The following ABCC2 variants were observed in gnomAD, a reference collection of about 807,000 sequenced individuals.
ABCC2 encodes ATP-binding cassette sub-family C member 2.
A neutral mutation model predicts 173.4 loss-of-function variants in ABCC2; 157 were observed. The observed-to-expected ratio is 0.91, with a 90% CI of 0.80 to 1.03. ABCC2 has a LOEUF of 1.03. Among genes scored for constraint, ABCC2 ranks in the 50% least tolerant of loss-of-function variants. ABCC2 has a pLI of 0.00. For missense variants in ABCC2, 1,822 were observed against 1,852.3 expected, an observed-to-expected ratio of 0.98 and a Z score of 0.30; for synonymous variants, 657 against 693.5, an observed-to-expected ratio of 0.95 and a Z score of 0.83.
Position 99,836,213 on chromosome 10 carries a change from G to A in ABCC2, c.3537G>A (p.Gln1179=). ...CAGTTATCCGTGCCTTTGAGCACCAGCAGCGATTTCTGAAACACAATGAGG... is the reference window on the plus strand; with the variant it reads ...CAGTTATCCGTGCCTTTGAGCACCAACAGCGATTTCTGAAACACAATGAGG... ...GLPVIRAFEH[Q]QRFLKHNEVR... is the part of the protein sequence containing the mutation. The change falls in exon 25 of 32, where the codon CAG becomes CAA. Residue 1179 remains glutamine (Q), a synonymous_variant. Transcript: ENST00000647814. 6.2e-7 allele frequency: 1 copy of A among 1,614,226 alleles called. No homozygotes were observed. The highest frequency in any genetic ancestry group is 2.2e-5 in the East Asian group (1 of 44,886).
Position 99,800,408 on chromosome 10 carries a change from G to T in ABCC2, c.1054G>T (p.Asp352Tyr). ...CAGATTGCTGATCTCCTTTGCAAGT[G>T]ACCGTGACACATATTTGTGGATTGG... ...LLKLLISFASDRDTYLWIGYL... is the reference protein window; with the variant it reads ...LLKLLISFASYRDTYLWIGYL... Residue 352 changes from aspartate to tyrosine, a missense_variant, in exon 9 of 32, where the codon GAC (aspartate) becomes TAC (tyrosine). Transcript: ENST00000647814. 6.2e-7 allele frequency: 1 copy of T among 1,614,164 alleles called. No homozygotes were observed. Among genetic ancestry groups the T allele is most frequent in the South Asian group, 1.1e-5 (1 of 91,070 alleles).
intron 11 of ABCC2, among the ~76,000 whole-genome samples, chr10:99,806,652 A>C (rs570418759): frequency 6.6e-6 from 1 of 152,238 alleles, no homozygotes; most frequent in African/African-American, 2.4e-5. Context: ...AAGAAGAATT[A>C]TCTTTCATCA....
rs1423174402 is a variant in ABCC2, at chr10:99,797,313, C to T, written c.849C>T (p.Ser283=). The T allele has an allele frequency of 2.5e-6, 4 of 1,612,936 alleles. No homozygotes were observed. The highest frequency in any genetic ancestry group is 2.5e-6 in the Non-Finnish European group (3 of 1,179,564). The change falls in exon 7 of 32, where the codon AGC becomes AGT. Residue 283 remains serine, a synonymous_variant. Coordinates refer to ENST00000647814, the MANE Select transcript of ABCC2 (RefSeq NM_000392.5). ...GCTTGAACAAGAATCAGAGTCAAAG[C>T]CAAGATGCCCTTGTCCTGGTAACTT... ...LPGLNKNQSQ[S]QDALVLEDVE...
chr10:99,838,359 G>A (rs1184647961), intron 25 of ABCC2, among the ~76,000 whole-genome samples: 52 of 122,128 alleles, frequency 4.3e-4, no homozygotes, highest in African/African-American at 1.6e-3. Flanking sequence ...TCCCGGACGG[G>A]GCGGCTGGCC....
intron 9 of ABCC2, among the ~76,000 whole-genome samples, chr10:99,803,426 C>G (rs2038044775): frequency 6.6e-6 from 1 of 152,306 alleles, no homozygotes; most frequent in Admixed American, 6.5e-5. Flanking sequence ...TCAATACATG[C>G]TGGTTCCCTC....
At chr10:99,785,675 T>C (rs1418283082) in intron 2 of ABCC2, among the ~76,000 whole-genome samples, 3 of 152,008 alleles carry the variant, frequency 2.0e-5, no homozygotes, top group Admixed American at 1.3e-4. Context: ...CACGCCACCA[T>C]GTCCAGCTAA....
At chr10:99,799,496 C>A in intron 8 of ABCC2, 126 bp downstream of exon 8, 1 of 1,148,310 alleles carries the variant, frequency 8.7e-7, no homozygotes, top group Non-Finnish European at 1.3e-6. Context: ...AATTTTCTTC[C>A]ACCTTAACCT....
intron 11 of ABCC2, among the ~76,000 whole-genome samples, chr10:99,806,077 C>CTCTGTGTGTCTG (rs10644836): frequency 6.8e-6 from 1 of 148,044 alleles, no homozygotes; most frequent in African/African-American, 2.5e-5. Flanking sequence ...CTCTCTCTGT[C>CTCTGTGTGTCTG]TGTGTGTGTG....
At chr10:99,814,405 A>G (rs1232240704) in intron 16 of ABCC2, among the ~76,000 whole-genome samples, 1 of 144,762 alleles carries the variant, frequency 6.9e-6, no homozygotes, top group Non-Finnish European at 1.5e-5. Context: ...GTATATATAC[A>G]CACGTGTATA....
chr10:99,797,643 T>A, intron 7 of ABCC2: 1 of 360,690 alleles, frequency 2.8e-6, no homozygotes, highest in South Asian at 2.6e-5. Context: ...ATTTGTTGAT[T>A]CATTCACTTG....
At chr10:99,817,652 A>G (rs891162841) in intron 17 of ABCC2, among the ~76,000 whole-genome samples, 168 bp downstream of exon 17, 1 of 152,240 alleles carries the variant, frequency 6.6e-6, no homozygotes. Flanking sequence ...ACAATATTCC[A>G]TGTAAATAAC....
chr10:99,815,631 G>A (rs757958900), intron 16 of ABCC2, among the ~76,000 whole-genome samples: 4 of 152,060 alleles, frequency 2.6e-5, no homozygotes, highest in Non-Finnish European at 5.9e-5. Flanking sequence ...ACCAAACAGA[G>A]GAGTATCTAT....
chr10:99,806,509 C>A (rs1185583082), intron 11 of ABCC2, among the ~76,000 whole-genome samples: 1 of 152,100 alleles, frequency 6.6e-6, no homozygotes, highest in Non-Finnish European at 1.5e-5. Context: ...TTCTAATATG[C>A]CACCAAGGTG....
At chr10:99,806,077 C>CTCTGTGTGTGTGTGTGTGTGTGTGTGTG (rs10644836) in intron 11 of ABCC2, among the ~76,000 whole-genome samples, 8 of 148,042 alleles carry the variant, frequency 5.4e-5, no homozygotes, top group African/African-American at 2.0e-4. Flanking sequence ...CTCTCTCTGT[C>CTCTGTGTGTGTGTGTGTGTGTGTGTGTG]TGTGTGTGTG....
chr10:99,792,204 C>T (rs1183019704), intron 2 of ABCC2, 30 bp from the exon 3 acceptor site: 1 of 1,613,174 alleles, frequency 6.2e-7, no homozygotes, highest in African/African-American at 1.3e-5. Context: ...GAATGATATC[C>T]TCTTAACAGT....
chr10:99,837,158 GGA>G (rs2038838285), intron 25 of ABCC2, among the ~76,000 whole-genome samples: 1 of 108,208 alleles, frequency 9.2e-6, no homozygotes, highest in African/African-American at 4.0e-5. Context: ...TTTTTTTGAT[GGA>G]GTTTCCCTCT....
At chr10:99,825,522 C>T (rs958599049) in intron 19 of ABCC2, among the ~76,000 whole-genome samples, 3 of 152,280 alleles carry the variant, frequency 2.0e-5, no homozygotes, top group African/African-American at 4.8e-5. Context: ...CCAAACCCTC[C>T]TGTTCTTTTT....
At chr10:99,849,354 C>G (rs947111309) in intron 30 of ABCC2, among the ~76,000 whole-genome samples, 2 of 152,204 alleles carry the variant, frequency 1.3e-5, no homozygotes, top group African/African-American at 4.8e-5. Context: ...AATGCCAGTA[C>G]AGTCTGTGCT....
intron 16 of ABCC2, among the ~76,000 whole-genome samples, chr10:99,814,656 C>CATGTGTATATACACATACACACACAT (rs2038354840): frequency 3.6e-5 from 3 of 82,194 alleles, no homozygotes; most frequent in Admixed American, 3.2e-4. Flanking sequence ...TATACACACA[C>CATGTGTATATACACATACACACACAT]ATATGTGTAT....
Sources: gnomAD v4.1 joint callset for allele counts (sites outside exome capture counted in the v4.1 genomes callset) on GRCh38, gnomAD v4.1.1 for gene constraint, MANE v1.5 for transcripts, NCBI Gene and HGNC (gene_info 2026-07-23, HGNC 2026-07-21) for gene names.